FRMPD4: variants seen among roughly 807,000 people sequenced by gnomAD.
FRMPD4 encodes FERM and PDZ domain-containing protein 4.
FRMPD4 carries 22 observed loss-of-function variants against 94.1 expected under a neutral mutation model. That is an observed-to-expected ratio of 0.23 (90% confidence interval 0.17 to 0.33). FRMPD4 has a LOEUF of 0.33. Ranked by LOEUF, FRMPD4 falls within the 10% of genes least tolerant of loss-of-function variation. The probability of loss-of-function intolerance (pLI) is 1.00; values close to 1 mark genes in which losing one functional copy is unlikely to be tolerated. For synonymous variants in FRMPD4, 631 were observed against 548.6 expected, an observed-to-expected ratio of 1.15 and a Z score of -2.10; for missense variants, 1,111 against 1,339.9, an observed-to-expected ratio of 0.83 and a Z score of 2.67.
At chrX:12,016,852 A>G (rs892929299) in intron 3 of FRMPD4, among the ~76,000 whole-genome samples, 1 of 111,669 alleles carries the variant, frequency 9.0e-6, no homozygotes, top group African/African-American at 3.3e-5. Flanking sequence ...CACACAGGGG[A>G]AAAGCTCACC....
At chrX:12,381,648 C>T (rs184490038) in intron 1 of FRMPD4, among the ~76,000 whole-genome samples, 4 of 111,714 alleles carry the variant, frequency 3.6e-5, no homozygotes, top group African/African-American at 9.8e-5. Context: ...GGATGGCAAG[C>T]GGGACTTTCC....
At chrX:12,508,352 C>A (rs1226984209) in intron 2 of FRMPD4, among the ~76,000 whole-genome samples, 1 of 111,062 alleles carries the variant, frequency 9.0e-6, no homozygotes, top group African/African-American at 3.3e-5. Context: ...ACATAAAACC[C>A]CCAAAAGGGT....
At chrX:12,065,367 C>G (rs1324013196) in intron 3 of FRMPD4, among the ~76,000 whole-genome samples, 1 of 111,954 alleles carries the variant, frequency 8.9e-6, no homozygotes, top group African/African-American at 3.2e-5. Flanking sequence ...CCAGCCAACG[C>G]CAAACAGTGA....
chrX:12,015,509 T>C lies in FRMPD4; in HGVS notation c.95+137491T>C, dbSNP rs147454215. Among the ~76,000 whole-genome samples the C allele has an allele frequency of 1.8e-3, 206 of 112,285 alleles. 1 individual carries two copies. The highest frequency in any genetic ancestry group is 5.6e-3 in the African/African-American group (173 of 30,893). ...TTGTACATTTTTGTAATTGTTTCTTTTGTGTCTGTCACCAGATAGCTTACA... is the reference window on the plus strand; with the variant it reads ...TTGTACATTTTTGTAATTGTTTCTTCTGTGTCTGTCACCAGATAGCTTACA... On this transcript the variant is annotated intron_variant, in intron 3 of 18. Transcript: ENST00000640291.
intron 1 of FRMPD4, among the ~76,000 whole-genome samples, chrX:12,366,501 T>A (rs1298459941): frequency 5.4e-5 from 6 of 110,533 alleles, no homozygotes; most frequent in African/African-American, 2.0e-4. Context: ...TAGGTGGGAG[T>A]TTGCAGCAGT....
chrX:12,261,707 T>C (rs1487658329), intron 1 of FRMPD4, among the ~76,000 whole-genome samples: 1 of 111,939 alleles, frequency 8.9e-6, no homozygotes, highest in Non-Finnish European at 1.9e-5. Context: ...GAAAGTAAAT[T>C]GAATAGTAAA....
chrX:12,026,808 G>A (rs945860196), intron 3 of FRMPD4, among the ~76,000 whole-genome samples: 24 of 112,292 alleles, frequency 2.1e-4, no homozygotes, highest in African/African-American at 7.1e-4. Flanking sequence ...ACATTAATTC[G>A]TATTTTTCTT....
chrX:12,522,184 G>A (rs920652522), intron 2 of FRMPD4, among the ~76,000 whole-genome samples: 1 of 111,332 alleles, frequency 9.0e-6, no homozygotes, highest in Non-Finnish European at 1.9e-5. Flanking sequence ...CCCCTTTGGG[G>A]CCATTTTGTC....
chrX:11,876,159 T>G (rs949185017), intron 2 of FRMPD4, among the ~76,000 whole-genome samples: 2 of 110,134 alleles, frequency 1.8e-5, no homozygotes, highest in African/African-American at 6.6e-5. Context: ...TCTTCTTTTT[T>G]ATCACATTCA....
At chrX:12,153,969 G>A (rs2055898146) in intron 1 of FRMPD4, among the ~76,000 whole-genome samples, 1 of 112,684 alleles carries the variant, frequency 8.9e-6, no homozygotes, top group Admixed American at 9.4e-5. Context: ...TTTATGTATT[G>A]TCTACAGTTA....
chrX:11,978,321 CAAAAAAAAA>C (rs1172824155), intron 3 of FRMPD4, among the ~76,000 whole-genome samples: 1 of 16,355 alleles, frequency 6.1e-5, no homozygotes, highest in Admixed American at 1.4e-3. Flanking sequence ...AACTCCATCT[CAAAAAAAAA>C]AAAAAAAAAA....
chrX:12,393,012 G>A (rs1664220381), intron 1 of FRMPD4, among the ~76,000 whole-genome samples: 1 of 112,442 alleles, frequency 8.9e-6, no homozygotes, highest in African/African-American at 3.2e-5. Context: ...ACAAACTTAG[G>A]AGTTCATGGA....
intron 1 of FRMPD4, among the ~76,000 whole-genome samples, chrX:12,418,504 G>A (rs150511706): frequency 0.019 from 2,015 of 108,333 alleles, 49 homozygotes; most frequent in African/African-American, 0.064. Context: ...GATTACAGGC[G>A]CGTGCCACCA....
rs373572525 is a variant in FRMPD4 at position 12,485,914 on chromosome X, TA to T, written c.42-12753del. Among the ~76,000 whole-genome samples, 516 of 101,027 alleles carry T rather than the reference TA, an allele frequency of 5.1e-3. 3 individuals are homozygous for T. Among genetic ancestry groups the T allele is most frequent in the African/African-American group, 0.015 (432 of 27,923 alleles). The allele number at this position is 101,027 out of a possible 115,157, so 87.7% of individuals were successfully genotyped here. A position where few individuals can be genotyped will look rare whatever the true frequency, so the allele number is the denominator to read the frequency against. On this transcript the variant is annotated intron_variant, in intron 1 of 16. Coordinates refer to ENST00000675598, the MANE Select transcript of FRMPD4 (RefSeq NM_001368397.1). ...ACAGAGGGAGATTCTTTCTCAAAAT[TA>T]AAAAAAAAAAAATCAGAGATGACTA...
chrX:12,463,563 A>G (rs2057412856), intron 1 of FRMPD4, among the ~76,000 whole-genome samples: 1 of 110,878 alleles, frequency 9.0e-6, no homozygotes, highest in African/African-American at 3.3e-5. Context: ...TCTAGTAAGC[A>G]TTCGTTTTGA....
At chrX:12,132,387 T>C (rs1237013288) in intron 3 of FRMPD4, among the ~76,000 whole-genome samples, 2 of 111,717 alleles carry the variant, frequency 1.8e-5, no homozygotes, top group Non-Finnish European at 3.8e-5. Context: ...AAGGTGCCTG[T>C]TAGTCACTAG....
intron 1 of FRMPD4, among the ~76,000 whole-genome samples, chrX:11,854,559 A>G (rs28834387): frequency 0.24 from 26,772 of 111,580 alleles, 2,367 homozygotes; most frequent in Middle Eastern, 0.3. Flanking sequence ...TGGGTAAAAT[A>G]CACCCATTCC....
chrX:11,863,624 A>G (rs905455467), intron 1 of FRMPD4, among the ~76,000 whole-genome samples: 5 of 112,037 alleles, frequency 4.5e-5, no homozygotes, highest in African/African-American at 9.7e-5. Flanking sequence ...AACCAAAGTC[A>G]TAAATATTAT....
intron 1 of FRMPD4, among the ~76,000 whole-genome samples, chrX:12,389,560 A>C (rs1233009462): frequency 9.0e-6 from 1 of 111,471 alleles, no homozygotes; most frequent in Non-Finnish European, 1.9e-5. Context: ...AAGGTAATGG[A>C]TATGTTAATT....
Sources: gnomAD v4.1 joint callset for allele counts (sites outside exome capture counted in the v4.1 genomes callset) on GRCh38, gnomAD v4.1.1 for gene constraint, MANE v1.5 for transcripts, NCBI Gene and HGNC (gene_info 2026-07-23, HGNC 2026-07-21) for gene names.